CACNA1I: variants seen among roughly 807,000 people sequenced by gnomAD.
CACNA1I encodes calcium voltage-gated channel subunit alpha1 I.
Under a neutral mutation model 201.6 loss-of-function variants are expected in CACNA1I, and 74 were observed. The observed-to-expected ratio is 0.37, with a 90% CI of 0.30 to 0.45. CACNA1I has a LOEUF of 0.45. Among genes scored for constraint, CACNA1I ranks in the 20% least tolerant of loss-of-function variants. The pLI, the probability that CACNA1I is intolerant of heterozygous loss-of-function variation, is 1.00. For missense variants in CACNA1I, 2,346 were observed against 3,138.1 expected (o/e 0.75, Z 6.03); for synonymous variants, 1,431 against 1,345.2 (o/e 1.06, Z -1.40).
intron 3 of CACNA1I, among the ~76,000 whole-genome samples, chr22:39,607,080 G>C (rs887828394): frequency 3.9e-5 from 6 of 152,202 alleles, no homozygotes; most frequent in Non-Finnish European, 7.3e-5. Context: ...CTGGTCTCTG[G>C]GGGTGAGCCA....
intron 24 of CACNA1I, among the ~76,000 whole-genome samples, chr22:39,669,466 G>T (rs537629509): frequency 6.6e-6 from 1 of 152,204 alleles, no homozygotes; most frequent in Non-Finnish European, 1.5e-5. Context: ...TTCTGGATGG[G>T]CGAATAAGTG....
chr22:39,579,532 T>C (rs1932480494), intron 1 of CACNA1I, among the ~76,000 whole-genome samples: 1 of 152,236 alleles, frequency 6.6e-6, no homozygotes, highest in Non-Finnish European at 1.5e-5. Context: ...AGAAGTGTGA[T>C]GCCAGCATCT....
At chr22:39,623,140 C>G (rs1933798704) in intron 4 of CACNA1I, among the ~76,000 whole-genome samples, 1 of 152,194 alleles carries the variant, frequency 6.6e-6, no homozygotes, top group African/African-American at 2.4e-5. Flanking sequence ...TCGCTCTTGC[C>G]AGGCGGGCTT....
intron 3 of CACNA1I, among the ~76,000 whole-genome samples, chr22:39,608,131 A>G (rs1164147252): frequency 6.6e-6 from 1 of 151,922 alleles, no homozygotes; most frequent in Non-Finnish European, 1.5e-5. Flanking sequence ...AAAAAAAAAA[A>G]AAAAAAATAC....
chr22:39,626,296 A>G (rs1933899334), intron 4 of CACNA1I, among the ~76,000 whole-genome samples: 1 of 152,118 alleles, frequency 6.6e-6, no homozygotes, highest in Non-Finnish European at 1.5e-5. Context: ...GGGTGTAGAG[A>G]GCTGCGTGCA....
intron 4 of CACNA1I, among the ~76,000 whole-genome samples, chr22:39,626,600 G>A (rs1351754334): frequency 6.7e-6 from 1 of 148,770 alleles, no homozygotes; most frequent in Non-Finnish European, 1.5e-5. Flanking sequence ...AGTGGCTAAA[G>A]TTTTTTTTTT....
chr22:39,637,310 G>C (rs1364695072), intron 5 of CACNA1I, among the ~76,000 whole-genome samples: 1 of 152,184 alleles, frequency 6.6e-6, no homozygotes, highest in Non-Finnish European at 1.5e-5. Context: ...GGACCAGTGG[G>C]ACTTCTTGCT....
rs1935363236 is a variant in CACNA1I, at chr22:39,671,031, G to A, written c.4539+77G>A. The A allele has an allele frequency of 3.6e-5, 50 of 1,393,714 alleles. No homozygotes were observed. The South Asian group carries it at 6.1e-4, about 17-fold the overall frequency. 86.3% of individuals were successfully genotyped at this position (1,393,714 alleles called of 1,614,324 possible). A position where few individuals can be genotyped will look rare whatever the true frequency, so the allele number is the denominator to read the frequency against. On this transcript the variant is annotated intron_variant, in intron 26 of 36. Transcript: ENST00000402142. Reference sequence around the variant, plus strand: ...TCAGCAGGACCCCACCCCAGGGATAGGGTGGGGAAGGGGTTAGCTGATAGC... The same window carrying A: ...TCAGCAGGACCCCACCCCAGGGATAAGGTGGGGAAGGGGTTAGCTGATAGC...
Position 39,600,713 on chromosome 22 carries a change from A to T in CACNA1I, c.482+60A>T, listed in dbSNP as rs576352345. The T allele has an allele frequency of 1.5e-5, 23 of 1,502,650 alleles. No homozygotes were observed. In the South Asian group the frequency reaches 2.8e-4, roughly 19 times the overall value. The allele number at this position is 1,502,650 out of a possible 1,614,324, so 93.1% of individuals were successfully genotyped here. ...GGTGCACACCAGGCATAATTGAGAG[A>T]ATCCAGGGCTTCTTGCTGATGGCGA... On this transcript the variant is annotated intron_variant, in intron 3 of 36. Transcript: ENST00000402142.
In CACNA1I at chr22:39,684,366, C is replaced by T. The variant is rs1355900454; in HGVS notation, c.5895C>T (p.Phe1965=). 1.2e-6 allele frequency: 2 copies of T among 1,613,564 alleles called. No individual in the cohort carries two copies. Among genetic ancestry groups the T allele is most frequent in the South Asian group, 1.1e-5 (1 of 90,984 alleles). Residue 1965 remains phenylalanine (F), a synonymous_variant, in exon 36 of 37, where the codon TTC becomes TTT. Coordinates refer to ENST00000402142, the MANE Select transcript of CACNA1I (RefSeq NM_021096.4). The surrounding 1 kb of genome is among the most constrained non-coding windows in gnomAD (Gnocchi z 4.6). ...TCCTGCCCATGCCAGCCGAGTTCTT[C>T]CACCCTGCAGTGTCTGCCAGCCAGA... The part of the protein sequence containing the change: ...SPLLPMPAEF[F]HPAVSASQKG...
chr22:39,642,965 T>G, intron 7 of CACNA1I, 76 bp downstream of exon 7: 1 of 1,001,078 alleles, frequency 1.0e-6, no homozygotes, highest in Non-Finnish European at 1.5e-6. Flanking sequence ...GGAGGGTCTT[T>G]GGGAGTCCCT....
At chr22:39,604,164 G>A (rs1184384908) in intron 3 of CACNA1I, among the ~76,000 whole-genome samples, 2 of 152,162 alleles carry the variant, frequency 1.3e-5, no homozygotes, top group African/African-American at 4.8e-5. Context: ...TCCACAGACT[G>A]ACTCCCATGG....
chr22:39,658,521 A>G (rs1934897192), intron 11 of CACNA1I, among the ~76,000 whole-genome samples: 1 of 152,258 alleles, frequency 6.6e-6, no homozygotes, highest in South Asian at 2.1e-4. Flanking sequence ...ATTCCGAGGA[A>G]GGGATGGGCA....
chr22:39,661,101 C>T lies in CACNA1I; in HGVS notation c.2699-7C>T. 1 of 1,611,896 alleles carries T rather than the reference C, an allele frequency of 6.2e-7. No homozygotes were observed. Among genetic ancestry groups the T allele is most frequent in the Non-Finnish European group, 8.5e-7 (1 of 1,178,580 alleles). On this transcript the variant is annotated splice_region_variant and splice_polypyrimidine_tract_variant and intron_variant, in intron 15 of 36. Coordinates refer to ENST00000402142, the MANE Select transcript of CACNA1I (RefSeq NM_021096.4). ...TCCCTCCCTCTGTCTCCATCTCACT[C>T]CTCCAGATCCCAAGCTCTGCCCAAT... is the stretch of plus-strand genomic sequence containing the variant.
At chr22:39,652,574 C>T (rs1330422178) in intron 10 of CACNA1I, among the ~76,000 whole-genome samples, 5 of 152,204 alleles carry the variant, frequency 3.3e-5, no homozygotes, top group Non-Finnish European at 1.5e-5. Flanking sequence ...AAGGCCACTG[C>T]TCAGAGAGCA....
At position 39,570,886 on chromosome 22, in the gene CACNA1I, C is replaced by T. The variant is rs1932159930; in HGVS notation, c.134C>T (p.Ala45Val). Reference sequence around the variant, plus strand: ...GGCCTGGAGGAGCCTCTGGATGGAGCTGATCCTCATGTCCCACACCCAGAC... The same window carrying T: ...GGCCTGGAGGAGCCTCTGGATGGAGTTGATCCTCATGTCCCACACCCAGAC... ...PPGLEEPLDG[A>V]DPHVPHPDLA... Residue 45 changes from alanine to valine, a missense_variant, in exon 1 of 37, where the codon GCT (alanine) becomes GTT (valine). Physicochemically the swap from Ala to Val is moderately conservative, Grantham distance 64. Around this residue, in one of 13 missense-constraint regions of CACNA1I, gnomAD observed 130 missense variants for 160.7 expected, o/e 0.81. Coordinates refer to ENST00000402142, the MANE Select transcript of CACNA1I (RefSeq NM_021096.4). The T allele has an allele frequency of 6.2e-7, 1 of 1,613,700 alleles. No individual in the cohort carries two copies. The highest frequency in any genetic ancestry group is 8.5e-7 in the Non-Finnish European group (1 of 1,179,852).
At chr22:39,597,792 C>T (rs1601805641) in intron 1 of CACNA1I, among the ~76,000 whole-genome samples, 1 of 152,156 alleles carries the variant, frequency 6.6e-6, no homozygotes, top group Non-Finnish European at 1.5e-5. Flanking sequence ...GAGGCAGTGA[C>T]AGTCAGAGGG....
chr22:39,670,327 A>G (rs1295119681), intron 25 of CACNA1I, 97 bp downstream of exon 25: 2 of 1,228,038 alleles, frequency 1.6e-6, no homozygotes, highest in Non-Finnish European at 2.3e-6. Context: ...CTGGAAGGGA[A>G]CAAAAGATAC....
chr22:39,598,387 G>T lies in CACNA1I; in HGVS notation c.348+125G>T, dbSNP rs553568574. 306 of 563,338 alleles carry T rather than the reference G, an allele frequency of 5.4e-4. 2 individuals are homozygous for T. The highest frequency in any genetic ancestry group is 5.2e-3 in the African/African-American group (200 of 38,772). 34.9% of individuals were successfully genotyped at this position (563,338 alleles called of 1,614,324 possible). On this transcript the variant is annotated intron_variant, in intron 2 of 36. Coordinates refer to ENST00000402142, the MANE Select transcript of CACNA1I (RefSeq NM_021096.4). ...CCCCGCCCACTCCATGCCCCGCCCC[G>T]CTCCGTGCCCTTCCCCATCCTGCGC...
Sources: allele counts gnomAD v4.1 joint callset (sites outside exome capture counted in the v4.1 genomes callset), GRCh38; gene constraint gnomAD v4.1.1; regional missense constraint gnomAD v4.1.1; non-coding constraint Gnocchi (gnomAD v3.1); transcripts MANE v1.5; gene names NCBI Gene and HGNC (gene_info 2026-07-23, HGNC 2026-07-21).